Variants in ZDHHC17 observed in about 807,000 individuals in gnomAD.
ZDHHC17 encodes palmitoyltransferase ZDHHC17.
Under a neutral mutation model 90.3 loss-of-function variants are expected in ZDHHC17, and 40 were observed. That is an observed-to-expected ratio of 0.44 (90% CI 0.34 to 0.58). The LOEUF (loss-of-function observed/expected upper bound fraction) is 0.58. Ranked by LOEUF, ZDHHC17 falls within the 20% of genes least tolerant of loss-of-function variation. ZDHHC17 has a pLI of 0.01. For synonymous variants in ZDHHC17, 235 were observed against 252.4 expected (o/e 0.93, Z 0.65); for missense variants, 614 against 780.8 (o/e 0.79, Z 2.55).
chr12:76,830,894 T>A (rs138406947), intron 10 of ZDHHC17, among the ~76,000 whole-genome samples: 3 of 152,166 alleles, frequency 2.0e-5, no homozygotes, highest in African/African-American at 4.8e-5. Context: ...TCAGAGTTAG[T>A]ATAAAATAGC....
rs1205212053 is a variant in ZDHHC17, at chr12:76,794,349, T to C, written c.94-3085T>C. ...GTTTTATAATTAGAACTGTTACTCC[T>C]AGGCCTATTGATAGTTGTGATTATC... On this transcript the variant is annotated intron_variant, in intron 1 of 16. Transcript: ENST00000426126. Among the ~76,000 whole-genome samples the C allele has an allele frequency of 2.6e-5, 4 of 152,210 alleles. No homozygotes were observed. The East Asian group carries it at 7.7e-4, about 29-fold the overall frequency.
chr12:76,838,779 G>T (rs1953399023), intron 10 of ZDHHC17, among the ~76,000 whole-genome samples: 1 of 152,126 alleles, frequency 6.6e-6, no homozygotes, highest in African/African-American at 2.4e-5. Flanking sequence ...TTCCTGAAGG[G>T]ATTTTCTTGA....
chr12:76,766,962 T>G (rs1592453230), intron 1 of ZDHHC17, among the ~76,000 whole-genome samples: 1 of 149,108 alleles, frequency 6.7e-6, no homozygotes, highest in South Asian at 2.1e-4. Flanking sequence ...GAGGCTGCAG[T>G]GAGCCATGAT....
At chr12:76,765,900 C>G (rs896308580) in intron 1 of ZDHHC17, among the ~76,000 whole-genome samples, 1 of 152,092 alleles carries the variant, frequency 6.6e-6, no homozygotes, top group Non-Finnish European at 1.5e-5. Context: ...AGAGGTCTCC[C>G]TATGTTGTCT....
rs1565813162 is a variant in ZDHHC17 at position 76,851,188 on chromosome 12, A to G, written c.*203A>G. ...ACACACTGCCATTTCTGGGAAGAGT[A>G]AAGATGATAAAAAATAATTTTAATG... On this transcript the variant is annotated 3_prime_UTR_variant, in exon 17 of 17. Coordinates refer to ENST00000426126, the MANE Select transcript of ZDHHC17 (RefSeq NM_015336.4). 1.1e-5 allele frequency: 6 copies of G among 544,852 alleles called. No individual in the cohort carries two copies. The highest frequency in any genetic ancestry group is 1.8e-5 in the Non-Finnish European group (6 of 326,970). The allele number at this position is 544,852 out of a possible 1,614,324, so 33.8% of individuals were successfully genotyped here.
intron 1 of ZDHHC17, among the ~76,000 whole-genome samples, chr12:76,792,701 A>C (rs1423943633): frequency 6.6e-6 from 1 of 152,176 alleles, no homozygotes; most frequent in Non-Finnish European, 1.5e-5. Flanking sequence ...TAATGTTAAG[A>C]ATCTTCCAAG....
At position 76,822,447 on chromosome 12, in the gene ZDHHC17, G is replaced by T. The variant is rs1176298653; in HGVS notation, c.813G>T (p.Val271=). ...ALDLAKQRKN[V]WMINHLQEAR... The stretch of plus-strand genomic sequence containing the variant: ...ATTTGGCAAAACAGAGAAAAAATGT[G>T]TGGATGATCAACCACTTACAAGAGG... The change falls in exon 8 of 17, where the codon GTG becomes GTT. Residue 271 remains valine, a synonymous_variant. Coordinates refer to ENST00000426126, the MANE Select transcript of ZDHHC17 (RefSeq NM_015336.4). The T allele has an allele frequency of 1.9e-6, 3 of 1,613,634 alleles. No homozygotes were observed. In the African/African-American group the frequency reaches 4.0e-5, roughly 22 times the overall value.
intron 1 of ZDHHC17, among the ~76,000 whole-genome samples, chr12:76,771,254 T>A (rs1450124258): frequency 2.0e-5 from 3 of 152,236 alleles, no homozygotes; most frequent in African/African-American, 7.2e-5. Flanking sequence ...CACAGGCAGC[T>A]AATTTGAAAG....
intron 1 of ZDHHC17, among the ~76,000 whole-genome samples, chr12:76,790,566 A>T (rs1592467748): frequency 6.6e-6 from 1 of 152,208 alleles, no homozygotes; most frequent in Non-Finnish European, 1.5e-5. Context: ...TGCATACAAT[A>T]CGATACATAT....
At chr12:76,777,880 A>G (rs921814750) in intron 1 of ZDHHC17, among the ~76,000 whole-genome samples, 2 of 152,110 alleles carry the variant, frequency 1.3e-5, no homozygotes, top group Non-Finnish European at 1.5e-5. Flanking sequence ...ATGAAACGAG[A>G]TTTACTGGTA....
chr12:76,850,910 T>A lies in ZDHHC17; in HGVS notation c.1824T>A (p.Pro608=). The A allele has an allele frequency of 6.2e-7, 1 of 1,614,020 alleles. No individual in the cohort carries two copies. The highest frequency in any genetic ancestry group is 1.1e-5 in the South Asian group (1 of 91,082). ...FEFRCCGLFR[P]VIVDWTRQYT... Reference sequence around the variant, plus strand: ...TTCGATGCTGTGGCCTCTTTCGTCCTGTTATCGTGGACTGGACCAGGCAGT... The same window carrying A: ...TTCGATGCTGTGGCCTCTTTCGTCCAGTTATCGTGGACTGGACCAGGCAGT... The change falls in exon 17 of 17, where the codon CCT becomes CCA. Residue 608 remains proline (P), a synonymous_variant. Transcript: ENST00000426126.
intron 14 of ZDHHC17, among the ~76,000 whole-genome samples, 160 bp from the exon 15 acceptor site, chr12:76,848,073 T>C (rs1406663752): frequency 4.6e-5 from 7 of 152,224 alleles, no homozygotes; most frequent in African/African-American, 1.7e-4. Flanking sequence ...CACTGAGATA[T>C]AATAGGGTTA....
intron 5 of ZDHHC17, among the ~76,000 whole-genome samples, chr12:76,813,748 A>G (rs1252020490): frequency 6.6e-6 from 1 of 152,082 alleles, no homozygotes; most frequent in African/African-American, 2.4e-5. Flanking sequence ...CTTAATATTT[A>G]TTGAATATCC....
intron 10 of ZDHHC17, among the ~76,000 whole-genome samples, chr12:76,839,779 G>A (rs1953410691): frequency 6.6e-6 from 1 of 152,176 alleles, no homozygotes; most frequent in Non-Finnish European, 1.5e-5. Flanking sequence ...TACTGCTAAT[G>A]CAAATGTACT....
At chr12:76,799,974 T>C (rs936225659) in intron 2 of ZDHHC17, among the ~76,000 whole-genome samples, 1 of 152,212 alleles carries the variant, frequency 6.6e-6, no homozygotes, top group African/African-American at 2.4e-5. Flanking sequence ...AAGGTACTTT[T>C]ATACAATGTT....
At chr12:76,838,812 C>A (rs1953399394) in intron 10 of ZDHHC17, among the ~76,000 whole-genome samples, 1 of 152,136 alleles carries the variant, frequency 6.6e-6, no homozygotes, top group African/African-American at 2.4e-5. Context: ...ATCTACTCAC[C>A]ATTTCAATTA....
intron 1 of ZDHHC17, among the ~76,000 whole-genome samples, chr12:76,766,824 A>C (rs1244159954): frequency 6.6e-6 from 1 of 152,078 alleles, no homozygotes; most frequent in Non-Finnish European, 1.5e-5. Flanking sequence ...GTTCGAGACC[A>C]TCCTGGGCAA....
At chr12:76,823,386 A>G (rs1474198711) in intron 8 of ZDHHC17, among the ~76,000 whole-genome samples, 3 of 152,316 alleles carry the variant, frequency 2.0e-5, no homozygotes, top group Non-Finnish European at 2.9e-5. Flanking sequence ...TTTAAATTGT[A>G]TGACTGTTGG....
At position 76,788,688 on chromosome 12, in the gene ZDHHC17, A is replaced by ATTTTTTTTTTTTTTTTTTTTTTTTTT. The variant is rs763269507; in HGVS notation, c.94-8745_94-8720dup. ...AAAATATATTTAAGTTGGAATCGCA[A>ATTTTTTTTTTTTTTTTTTTTTTTTTT]TTTTTTTTTTTTTTTTTTTTTTTTT... On this transcript the variant is annotated intron_variant, in intron 1 of 16. Transcript: ENST00000426126. Among the ~76,000 whole-genome samples the ATTTTTTTTTTTTTTTTTTTTTTTTTT allele has an allele frequency of 4.1e-5, 4 of 98,648 alleles. 1 individual carries two copies. The highest frequency in any genetic ancestry group is 4.0e-5 in the African/African-American group (1 of 25,098). The allele number at this position is 98,648 out of a possible 152,430, so 64.7% of individuals were successfully genotyped here.
Sources: allele counts gnomAD v4.1 joint callset (sites outside exome capture counted in the v4.1 genomes callset), GRCh38; gene constraint gnomAD v4.1.1; transcripts MANE v1.5; gene names NCBI Gene and HGNC (gene_info 2026-07-23, HGNC 2026-07-21).